Variants in NEGR1 observed in about 807,000 individuals in gnomAD.
NEGR1 encodes the protein IgLON family member 4.
NEGR1 carries 10 observed loss-of-function variants against 40.9 expected under a neutral mutation model. The ratio of observed to expected loss-of-function variants is 0.24; its 90% confidence interval spans 0.15 to 0.42. NEGR1 has a LOEUF of 0.42. NEGR1 is among the 10% of genes least tolerant of loss of function. The pLI, the probability that NEGR1 is intolerant of heterozygous loss-of-function variation, is 1.00. For missense variants in NEGR1, 352 were observed against 438.9 expected, an observed-to-expected ratio of 0.80 and a Z score of 1.77; for synonymous variants, 185 against 166.8, an observed-to-expected ratio of 1.11 and a Z score of -0.84.
At position 72,262,500 on chromosome 1, in the gene NEGR1, T is replaced by C. The variant is rs78866999; in HGVS notation, c.176+19819A>G. ...CCACTTGTTTACCTGACGTATATAATAAGCTTTTGAGGACAAGAGATTTTT... is the reference window on the plus strand; with the variant it reads ...CCACTTGTTTACCTGACGTATATAACAAGCTTTTGAGGACAAGAGATTTTT... On this transcript the variant is annotated intron_variant, in intron 1 of 6. Coordinates refer to ENST00000357731, the MANE Select transcript of NEGR1 (RefSeq NM_173808.3). Among the ~76,000 whole-genome samples the C allele has an allele frequency of 1.2e-3, 176 of 152,170 alleles. 3 individuals carry two copies. In the East Asian group the frequency reaches 0.032, roughly 28 times the overall value.
chr1:72,229,568 C>CAG (rs1305120848), intron 1 of NEGR1, among the ~76,000 whole-genome samples: 1 of 149,824 alleles, frequency 6.7e-6, no homozygotes, highest in African/African-American at 2.4e-5. Context: ...TATAATTTTC[C>CAG]AGATTATAAT....
At chr1:71,787,597 T>C (rs1656958824) in intron 2 of NEGR1, among the ~76,000 whole-genome samples, 1 of 152,142 alleles carries the variant, frequency 6.6e-6, no homozygotes, top group South Asian at 2.1e-4. Flanking sequence ...TCAAAATATC[T>C]GTGAAATTAG....
chr1:71,800,619 T>C (rs1657519622), intron 2 of NEGR1, among the ~76,000 whole-genome samples: 1 of 152,208 alleles, frequency 6.6e-6, no homozygotes, highest in South Asian at 2.1e-4. Context: ...ATCAAAATTA[T>C]TTGCTTTCTT....
rs1174563351 is a variant in NEGR1 at position 71,404,879 on chromosome 1, T to C, written c.*2567A>G. 2 of 152,204 alleles carry C rather than the reference T, an allele frequency of 1.3e-5. No individual in the cohort carries two copies. Among genetic ancestry groups the C allele is most frequent in the Non-Finnish European group, 3.0e-5 (2 of 67,756 alleles). The allele number at this position is 152,204 out of a possible 1,614,324, so 9.4% of individuals were successfully genotyped here. A position where few individuals can be genotyped will look rare whatever the true frequency, so the allele number is the denominator to read the frequency against. ...GGTAATCAGACATTTTATATGTCCA[T>C]AAATGTAAAATCATCTACTTGAACA... On this transcript the variant is annotated 3_prime_UTR_variant, in exon 7 of 7. Transcript: ENST00000357731.
At chr1:72,103,113 T>C (rs1334474509) in intron 1 of NEGR1, among the ~76,000 whole-genome samples, 2 of 152,232 alleles carry the variant, frequency 1.3e-5, no homozygotes, top group Admixed American at 1.3e-4. Flanking sequence ...TCTATAAGTA[T>C]ACAACATCAT....
At chr1:71,484,481 T>A (rs1646874749) in intron 6 of NEGR1, among the ~76,000 whole-genome samples, 1 of 151,748 alleles carries the variant, frequency 6.6e-6, no homozygotes, top group Non-Finnish European at 1.5e-5. Context: ...TGCTTCTACA[T>A]CTTTAAAAAG....
intron 2 of NEGR1, among the ~76,000 whole-genome samples, chr1:71,823,603 A>G (rs1314453156): frequency 6.6e-6 from 1 of 152,042 alleles, no homozygotes; most frequent in Non-Finnish European, 1.5e-5. Flanking sequence ...CTTACTTCAT[A>G]GCATCTCAGA....
intron 6 of NEGR1, among the ~76,000 whole-genome samples, chr1:71,496,194 C>T (rs1646962016): frequency 6.6e-6 from 1 of 151,990 alleles, no homozygotes; most frequent in South Asian, 2.1e-4. Context: ...ATGTGAGATA[C>T]TCTAAATAGA....
At chr1:71,928,007 T>A (rs1264398976) in intron 2 of NEGR1, among the ~76,000 whole-genome samples, 9 of 98,666 alleles carry the variant, frequency 9.1e-5, no homozygotes, top group East Asian at 6.8e-4. Flanking sequence ...CAGGAAAAAA[T>A]AAATAAATAA....
chr1:71,858,146 A>G (rs1255327822), intron 2 of NEGR1, among the ~76,000 whole-genome samples: 3 of 152,058 alleles, frequency 2.0e-5, no homozygotes, highest in South Asian at 2.1e-4. Flanking sequence ...ACACAAACAC[A>G]TTTTTGACTA....
chr1:71,470,010 A>T (rs542270612), intron 6 of NEGR1, among the ~76,000 whole-genome samples: 9 of 152,226 alleles, frequency 5.9e-5, no homozygotes, highest in African/African-American at 2.2e-4. Context: ...TCCTACTCTC[A>T]GATAGTCCTG....
intron 1 of NEGR1, among the ~76,000 whole-genome samples, chr1:71,963,260 A>G (rs184705470): frequency 1.3e-5 from 2 of 152,214 alleles, no homozygotes; most frequent in East Asian, 1.9e-4. Context: ...ATTATTTACA[A>G]GAGAAGACCT....
In NEGR1 at chr1:71,592,971, A is replaced by G; in HGVS notation, c.789-3T>C. The G allele has an allele frequency of 6.2e-7, 1 of 1,605,644 alleles. No homozygotes were observed. Among genetic ancestry groups the G allele is most frequent in the Non-Finnish European group, 8.5e-7 (1 of 1,172,690 alleles). ...TTCCTTGTTGGCCATTGAAGAGCCTAGAAGACAAAATAAGCTCTAGGTAAA... is the reference window on the plus strand; with the variant it reads ...TTCCTTGTTGGCCATTGAAGAGCCTGGAAGACAAAATAAGCTCTAGGTAAA... On this transcript the variant is annotated splice_polypyrimidine_tract_variant and splice_region_variant and intron_variant, in intron 5 of 6. Transcript: ENST00000357731.
intron 1 of NEGR1, among the ~76,000 whole-genome samples, chr1:72,161,433 T>C (rs1381686138): frequency 6.6e-6 from 1 of 152,022 alleles, no homozygotes; most frequent in East Asian, 1.9e-4. Flanking sequence ...GGCATTTGTC[T>C]GGAGGCATCG....
chr1:71,543,498 T>G (rs1647785400), intron 6 of NEGR1, among the ~76,000 whole-genome samples: 1 of 151,730 alleles, frequency 6.6e-6, no homozygotes, highest in Non-Finnish European at 1.5e-5. Context: ...ATCATAATTT[T>G]TAAATGTTTT....
chr1:71,984,167 CT>C (rs1646376218), intron 1 of NEGR1, among the ~76,000 whole-genome samples: 1 of 146,638 alleles, frequency 6.8e-6, no homozygotes, highest in Non-Finnish European at 1.5e-5. Context: ...TTACTGCCTC[CT>C]GCCCACCCAT....
At chr1:71,898,307 C>G (rs1661027624) in intron 2 of NEGR1, among the ~76,000 whole-genome samples, 1 of 152,104 alleles carries the variant, frequency 6.6e-6, no homozygotes, top group Non-Finnish European at 1.5e-5. Flanking sequence ...CCATAAAATG[C>G]TTACAGACAT....
chr1:72,115,440 G>A (rs1354077660), intron 1 of NEGR1, among the ~76,000 whole-genome samples: 1 of 151,730 alleles, frequency 6.6e-6, no homozygotes, highest in Admixed American at 6.6e-5. Flanking sequence ...CCTATTCAGC[G>A]TTTCAGCCTG....
intron 4 of NEGR1, among the ~76,000 whole-genome samples, chr1:71,628,385 GT>G (rs1650858498): frequency 1.3e-5 from 2 of 151,930 alleles, no homozygotes; most frequent in Non-Finnish European, 2.9e-5. Context: ...AAATATTACA[GT>G]TTTATGATCT....
Sources: allele counts gnomAD v4.1 joint callset (sites outside exome capture counted in the v4.1 genomes callset), GRCh38; gene constraint gnomAD v4.1.1; transcripts MANE v1.5; gene names NCBI Gene and HGNC (gene_info 2026-07-23, HGNC 2026-07-21).